MICU3: variants seen among roughly 807,000 people sequenced by gnomAD.
MICU3 encodes the protein mitochondrial calcium uptake 3, also known as calcium uptake protein 3, mitochondrial.
MICU3 carries 62 observed loss-of-function variants against 66.5 expected under a neutral mutation model. That is an observed-to-expected ratio of 0.93 (90% CI 0.76 to 1.15). The LOEUF (loss-of-function observed/expected upper bound fraction) is 1.15, where lower values mean the gene tolerates loss of function less well. Ranked by LOEUF, MICU3 falls within the 50% of genes most tolerant of loss-of-function variation. The pLI, the probability that MICU3 is intolerant of heterozygous loss-of-function variation, is 0.00. For missense variants in MICU3, 779 were observed against 664.4 expected (o/e 1.17, Z -1.90); for synonymous variants, 308 against 240.7 (o/e 1.28, Z -2.59).
At chr8:17,122,810 A>G (rs1308357968), downstream of MICU3, among the ~76,000 whole-genome samples, 3 of 152,044 alleles carry the variant, frequency 2.0e-5, no homozygotes, top group African/African-American at 7.2e-5. Context: ...CTTTGTGGGT[A>G]GGTAACTCAC....
At chr8:17,094,564 G>A (rs1010805316) in intron 8 of MICU3, among the ~76,000 whole-genome samples, 39 of 151,974 alleles carry the variant, frequency 2.6e-4, no homozygotes, top group Middle Eastern at 6.8e-3. Context: ...TTTTGCATTC[G>A]ATCTGTTGCA....
chr8:17,065,598 T>C (rs981091853), intron 2 of MICU3, among the ~76,000 whole-genome samples: 1 of 152,234 alleles, frequency 6.6e-6, no homozygotes, highest in African/African-American at 2.4e-5. Context: ...CATAAGGGTA[T>C]GTAGTCATGG....
intron 9 of MICU3, among the ~76,000 whole-genome samples, chr8:17,101,389 A>T (rs987182456): frequency 4.0e-5 from 6 of 151,850 alleles, no homozygotes; most frequent in Non-Finnish European, 4.4e-5. Context: ...TCAGTGGCTG[A>T]GCAGTACTCT....
At chr8:17,099,547 G>A (rs966586437) in intron 9 of MICU3, among the ~76,000 whole-genome samples, 1 of 151,680 alleles carries the variant, frequency 6.6e-6, no homozygotes, top group East Asian at 1.9e-4. Flanking sequence ...AGCAATTAAA[G>A]TATTTTGTCC....
At chr8:17,073,447 C>A (rs1327050475) in intron 3 of MICU3, among the ~76,000 whole-genome samples, 2 of 151,900 alleles carry the variant, frequency 1.3e-5, no homozygotes, top group Non-Finnish European at 2.9e-5. Context: ...CACTGTCTCC[C>A]ATCACCCCCA....
intron 4 of MICU3, 65 bp from the exon 5 acceptor site, chr8:17,081,624 ATTAT>A (rs1409389044): frequency 2.1e-5 from 9 of 433,066 alleles, no homozygotes; most frequent in African/African-American, 1.9e-4. Flanking sequence ...CTACAAGCTC[ATTAT>A]TTATAGCATT....
intron 1 of MICU3, among the ~76,000 whole-genome samples, chr8:17,037,168 C>T (rs1039769125): frequency 6.6e-6 from 1 of 152,056 alleles, no homozygotes; most frequent in Non-Finnish European, 1.5e-5. Flanking sequence ...ACAAGCGCCA[C>T]ACGCAGCCCC....
chr8:17,135,390 T>C, the MICU3 span, among the ~76,000 whole-genome samples: 52 of 150,630 alleles, frequency 3.5e-4, no homozygotes, highest in African/African-American at 1.3e-3. Flanking sequence ...AGAGCAAGAC[T>C]GTCTCAAAAA....
chr8:17,058,391 C>T (rs919414897), intron 1 of MICU3, among the ~76,000 whole-genome samples: 5 of 152,236 alleles, frequency 3.3e-5, no homozygotes, highest in East Asian at 3.9e-4. Context: ...ATTCATTGTG[C>T]TCCAGTGAAA....
chr8:17,114,027 G>A, intron 11 of MICU3, 66 bp from the exon 12 acceptor site: 2 of 1,009,076 alleles, frequency 2.0e-6, no homozygotes, highest in Non-Finnish European at 3.0e-6. Context: ...TTTCTCTTAT[G>A]TGTAGATCCT....
At chr8:17,089,067 G>A (rs530281578) in intron 7 of MICU3, among the ~76,000 whole-genome samples, 5 of 151,962 alleles carry the variant, frequency 3.3e-5, no homozygotes, top group Non-Finnish European at 5.9e-5. Flanking sequence ...TAACTTTTAA[G>A]TAATATAATA....
chr8:17,041,570 G>T, intron 1 of MICU3, among the ~76,000 whole-genome samples: 1 of 152,016 alleles, frequency 6.6e-6, no homozygotes, highest in Non-Finnish European at 1.5e-5. Context: ...AGAGAGGATA[G>T]TAGCCTGAGG....
chr8:17,112,778 A>G (rs948682459), intron 11 of MICU3, among the ~76,000 whole-genome samples: 1 of 152,234 alleles, frequency 6.6e-6, no homozygotes, highest in Non-Finnish European at 1.5e-5. Flanking sequence ...TCCTACTAAC[A>G]GTAGCCTGTC....
chr8:17,073,665 TC>T (rs929472502), intron 3 of MICU3, among the ~76,000 whole-genome samples: 2 of 152,170 alleles, frequency 1.3e-5, no homozygotes, highest in African/African-American at 4.8e-5. Context: ...AAGAAACCAG[TC>T]CCTGGTGCCA....
intron 7 of MICU3, among the ~76,000 whole-genome samples, chr8:17,088,201 A>C (rs1426614666): frequency 6.6e-6 from 1 of 151,996 alleles, no homozygotes; most frequent in Non-Finnish European, 1.5e-5. Flanking sequence ...CTTAGTAGTC[A>C]TTGAACATCC....
rs146270779 is a variant in MICU3, at chr8:17,085,548, A to G, written c.777+230A>G. Among the ~76,000 whole-genome samples the G allele has an allele frequency of 1.1e-4, 16 of 152,220 alleles. No individual in the cohort carries two copies. In the East Asian group the frequency reaches 3.1e-3, roughly 29 times the overall value. Reference sequence around the variant, plus strand: ...ATTATCGTTGTTTTTTACCTTACATAAAAGTGTGAAATGTATCAGGTGTTT... The same window carrying G: ...ATTATCGTTGTTTTTTACCTTACATGAAAGTGTGAAATGTATCAGGTGTTT... On this transcript the variant is annotated intron_variant, in intron 6 of 14. Coordinates refer to ENST00000318063, the MANE Select transcript of MICU3 (RefSeq NM_181723.3).
downstream of MICU3, among the ~76,000 whole-genome samples, chr8:17,126,909 A>G (rs376352517): frequency 4.6e-5 from 7 of 152,310 alleles, no homozygotes; most frequent in African/African-American, 1.4e-4. Flanking sequence ...GATGGCAGCT[A>G]CACTCTCTGA....
intron 8 of MICU3, among the ~76,000 whole-genome samples, chr8:17,094,883 G>A (rs916099342): frequency 1.3e-5 from 2 of 151,886 alleles, no homozygotes; most frequent in Admixed American, 6.6e-5. Flanking sequence ...ATTCTTCTAT[G>A]CCTCTTAATT....
intron 1 of MICU3, among the ~76,000 whole-genome samples, chr8:17,054,738 C>CTTTTTTTT (rs559605289): frequency 1.4e-4 from 17 of 122,768 alleles, no homozygotes; most frequent in Non-Finnish European, 2.0e-4. Flanking sequence ...TTCTTTCTTT[C>CTTTTTTTT]TTTTTTTTTT....
Sources: allele counts gnomAD v4.1 joint callset (sites outside exome capture counted in the v4.1 genomes callset), GRCh38; gene constraint gnomAD v4.1.1; transcripts MANE v1.5; gene names NCBI Gene and HGNC (gene_info 2026-07-23, HGNC 2026-07-21).